Variants in FBXW11 observed in about 807,000 individuals in gnomAD.
FBXW11 encodes the protein F-box/WD repeat-containing protein 11.
FBXW11 carries 19 observed loss-of-function variants against 77.6 expected under a neutral mutation model. That is an observed-to-expected ratio of 0.24 (90% CI 0.17 to 0.36). FBXW11 has a LOEUF of 0.36. Among genes scored for constraint, FBXW11 ranks in the 10% least tolerant of loss-of-function variants. The pLI is 1.00. For missense variants in FBXW11, 334 were observed against 704.2 expected, an observed-to-expected ratio of 0.47 and a Z score of 5.95; for synonymous variants, 235 against 249.4, an observed-to-expected ratio of 0.94 and a Z score of 0.54.
At chr5:171,970,241 T>C (rs1764447715) in intron 1 of FBXW11, among the ~76,000 whole-genome samples, 5 of 152,206 alleles carry the variant, frequency 3.3e-5, no homozygotes, top group Admixed American at 2.6e-4. Context: ...GACTGGATCA[T>C]GGAGGCAGTC....
At chr5:171,967,404 A>G (rs1028490815) in intron 1 of FBXW11, among the ~76,000 whole-genome samples, 2 of 152,250 alleles carry the variant, frequency 1.3e-5, no homozygotes, top group Non-Finnish European at 2.9e-5. Flanking sequence ...ATCATGCTAT[A>G]CGAATATATT....
rs1050381909 is a variant in FBXW11 at position 171,874,003 on chromosome 5, A to C, written c.1222-1013T>G. Among the ~76,000 whole-genome samples, 6 of 152,234 alleles carry C rather than the reference A, an allele frequency of 3.9e-5. 1 individual carries two copies. Among genetic ancestry groups the C allele is most frequent in the Non-Finnish European group, 7.3e-5 (5 of 68,046 alleles). ...TACACATAAGCACTGAAACTATACA[A>C]GTCTTGATAAATTGAACATCATCAA... On this transcript the variant is annotated intron_variant, in intron 9 of 13. Coordinates refer to ENST00000517395, the MANE Select transcript of FBXW11 (RefSeq NM_001378974.1).
chr5:171,982,703 T>C (rs1561747209), intron 1 of FBXW11, among the ~76,000 whole-genome samples: 1 of 152,164 alleles, frequency 6.6e-6, no homozygotes, highest in Non-Finnish European at 1.5e-5. Flanking sequence ...CTGGTTTTCA[T>C]CCAATGCAGC....
chr5:171,946,176 A>G (rs968491365), intron 2 of FBXW11, among the ~76,000 whole-genome samples: 3 of 152,236 alleles, frequency 2.0e-5, no homozygotes, highest in African/African-American at 7.2e-5. Flanking sequence ...CTGAGCTTCC[A>G]GCCTAATGGC....
At chr5:171,954,833 C>T (rs1019903687) in intron 2 of FBXW11, among the ~76,000 whole-genome samples, 3 of 151,894 alleles carry the variant, frequency 2.0e-5, no homozygotes, top group Non-Finnish European at 4.4e-5. Flanking sequence ...AACCATATAC[C>T]AGGTGTCAAT....
At chr5:171,925,353 T>C (rs1473077265) in intron 2 of FBXW11, among the ~76,000 whole-genome samples, 1 of 152,224 alleles carries the variant, frequency 6.6e-6, no homozygotes, top group Non-Finnish European at 1.5e-5. Flanking sequence ...ACCTCTCTAA[T>C]ATCTGCCATC....
chr5:171,878,974 T>G (rs186880277), intron 7 of FBXW11, among the ~76,000 whole-genome samples: 35 of 152,276 alleles, frequency 2.3e-4, no homozygotes, highest in African/African-American at 7.7e-4. Flanking sequence ...ATGAAGTGTT[T>G]AATGAGAAAA....
intron 2 of FBXW11, among the ~76,000 whole-genome samples, chr5:171,943,976 T>G (rs1254288017): frequency 6.6e-6 from 1 of 152,132 alleles, no homozygotes; most frequent in African/African-American, 2.4e-5. Flanking sequence ...ATATGATGTA[T>G]CTCCTGGAAA....
intron 2 of FBXW11, among the ~76,000 whole-genome samples, chr5:171,933,474 T>C (rs1219504529): frequency 1.3e-5 from 2 of 152,202 alleles, no homozygotes; most frequent in African/African-American, 4.8e-5. Flanking sequence ...ACACCAAGAA[T>C]AAATCCTAAT....
chr5:171,870,315 G>A (rs1757677193), intron 11 of FBXW11, among the ~76,000 whole-genome samples: 1 of 152,056 alleles, frequency 6.6e-6, no homozygotes, highest in Non-Finnish European at 1.5e-5. Context: ...ATGTAGTGAG[G>A]TGTTTTAAAG....
chr5:171,873,011 A>G (rs1241411091), intron 9 of FBXW11, 21 bp from the exon 10 acceptor site: 2 of 1,587,640 alleles, frequency 1.3e-6, no homozygotes, highest in Admixed American at 3.4e-5. Flanking sequence ...AATTAACAGT[A>G]TTTTAAAGAA....
At chr5:171,957,066 G>C (rs1763651778) in intron 2 of FBXW11, among the ~76,000 whole-genome samples, 1 of 152,192 alleles carries the variant, frequency 6.6e-6, no homozygotes. Context: ...CTGGCCTTTG[G>C]GAGGTGGCCC....
chr5:171,993,567 C>G (rs557816827), intron 1 of FBXW11, among the ~76,000 whole-genome samples: 4 of 152,080 alleles, frequency 2.6e-5, no homozygotes, highest in Admixed American at 1.3e-4. Flanking sequence ...GAGCCACGAT[C>G]GCGCCACTGC....
intron 2 of FBXW11, among the ~76,000 whole-genome samples, chr5:171,917,778 G>T (rs1320645117): frequency 6.6e-6 from 1 of 151,718 alleles, no homozygotes; most frequent in Non-Finnish European, 1.5e-5. Context: ...GTGTGTGTGT[G>T]TGTGTGTGTG....
At chr5:171,920,528 C>T (rs1761534091) in intron 2 of FBXW11, among the ~76,000 whole-genome samples, 1 of 151,534 alleles carries the variant, frequency 6.6e-6, no homozygotes, top group Non-Finnish European at 1.5e-5. Flanking sequence ...GAGTTTGAGA[C>T]CATCCTGCAC....
intron 2 of FBXW11, among the ~76,000 whole-genome samples, chr5:171,916,254 GA>G (rs34199464): frequency 0.028 from 3,880 of 139,716 alleles, 186 homozygotes; most frequent in African/African-American, 0.096. Flanking sequence ...AAAAAAATGA[GA>G]AAAAAAAAAA....
At chr5:171,968,627 C>A (rs1021541058) in intron 1 of FBXW11, among the ~76,000 whole-genome samples, 1 of 151,986 alleles carries the variant, frequency 6.6e-6, no homozygotes, top group African/African-American at 2.4e-5. Flanking sequence ...TAGTCCATAC[C>A]GCATGACATC....
At chr5:171,989,557 G>A (rs899765536) in intron 1 of FBXW11, among the ~76,000 whole-genome samples, 1 of 152,222 alleles carries the variant, frequency 6.6e-6, no homozygotes, top group Non-Finnish European at 1.5e-5. Context: ...CCAGTTAAAT[G>A]ACACCACGAG....
chr5:171,972,845 A>T lies in FBXW11; in HGVS notation c.46-15147T>A, dbSNP rs149874149. ...CAGGCGTGAGCCACCGTGCCTGGCC[A>T]GGACTAAAACTTTAATACCAGTTGT... On this transcript the variant is annotated intron_variant, in intron 1 of 13. Transcript: ENST00000517395. Among the ~76,000 whole-genome samples the T allele has an allele frequency of 6.8e-3, 1,036 of 152,238 alleles. 5 individuals carry two copies. The highest frequency in any genetic ancestry group is 0.024 in the Middle Eastern group (7 of 294).
Sources: allele counts gnomAD v4.1 joint callset (sites outside exome capture counted in the v4.1 genomes callset), GRCh38; gene constraint gnomAD v4.1.1; transcripts MANE v1.5; gene names NCBI Gene and HGNC (gene_info 2026-07-23, HGNC 2026-07-21).